Variants in TTC6 observed in about 807,000 individuals in gnomAD.
TTC6 encodes the protein tetratricopeptide repeat protein 6.
Under a neutral mutation model 210.4 loss-of-function variants are expected in TTC6, and 172 were observed. The observed-to-expected ratio is 0.82, with a 90% CI of 0.72 to 0.93. The LOEUF is 0.93. TTC6 is among the 40% of genes least tolerant of loss of function. The pLI, the probability that TTC6 is intolerant of heterozygous loss-of-function variation, is 0.00. For missense variants in TTC6, 2,414 were observed against 2,318.1 expected (o/e 1.04, Z -0.85); for synonymous variants, 804 against 819.6 (o/e 0.98, Z 0.32).
intron 5 of TTC6, among the ~76,000 whole-genome samples, chr14:37,705,126 C>T (rs1042830484): frequency 1.3e-5 from 2 of 152,048 alleles, no homozygotes; most frequent in African/African-American, 4.8e-5. Flanking sequence ...TCAGGCACCC[C>T]TTATAGACAG....
At chr14:37,756,112 A>G (rs1344408248) in intron 14 of TTC6, among the ~76,000 whole-genome samples, 1 of 152,164 alleles carries the variant, frequency 6.6e-6, no homozygotes, top group Non-Finnish European at 1.5e-5. Context: ...CTTTGTAGCA[A>G]TTGTGAATGG....
intron 14 of TTC6, among the ~76,000 whole-genome samples, chr14:37,762,224 C>T (rs886457179): frequency 6.6e-6 from 1 of 151,976 alleles, no homozygotes; most frequent in African/African-American, 2.4e-5. Flanking sequence ...GCTTATTCAT[C>T]TGTTGATAGA....
chr14:37,597,544 C>CAA (rs33958559), intron 1 of TTC6, among the ~76,000 whole-genome samples: 2 of 148,810 alleles, frequency 1.3e-5, no homozygotes, highest in African/African-American at 4.9e-5. Context: ...CTCATATTTT[C>CAA]AAAAAAAAAA....
intron 1 of TTC6, among the ~76,000 whole-genome samples, chr14:37,604,454 C>G (rs1051969590): frequency 5.3e-5 from 8 of 152,138 alleles, no homozygotes; most frequent in African/African-American, 1.9e-4. Context: ...TTGTCCCTTC[C>G]TCCCCCTAGG....
intron 30 of TTC6, among the ~76,000 whole-genome samples, chr14:37,841,909 A>T (rs2096211058): frequency 6.6e-6 from 1 of 152,192 alleles, no homozygotes; most frequent in Admixed American, 6.5e-5. Flanking sequence ...AACAATGCCA[A>T]CCTTTCAAAG....
intron 5 of TTC6, among the ~76,000 whole-genome samples, chr14:37,709,464 C>T (rs1194108325): frequency 2.6e-5 from 4 of 152,044 alleles, no homozygotes; most frequent in African/African-American, 9.7e-5. Context: ...TTTCAGTATG[C>T]ACTATCAATG....
intron 14 of TTC6, among the ~76,000 whole-genome samples, chr14:37,781,758 A>C (rs1166016015): frequency 1.3e-5 from 2 of 152,174 alleles, no homozygotes; most frequent in Non-Finnish European, 2.9e-5. Context: ...TTATGCTTTT[A>C]GGTCTGATGT....
exon 31 of TTC6, chr14:37,842,181 C>G: frequency 6.2e-7 from 1 of 1,602,486 alleles, no homozygotes; most frequent in Non-Finnish European, 8.5e-7. Context: ...TAATGATGCT[C>G]TAGTATATAA....
At chr14:37,663,793 A>G (rs2095742312) in intron 1 of TTC6, among the ~76,000 whole-genome samples, 1 of 152,176 alleles carries the variant, frequency 6.6e-6, no homozygotes, top group South Asian at 2.1e-4. Context: ...TTGATAAGCA[A>G]CTTCAGCAAA....
intron 23 of TTC6, 62 bp from the exon 26 acceptor site, chr14:37,808,671 T>C: frequency 2.4e-6 from 2 of 830,978 alleles, no homozygotes; most frequent in Non-Finnish European, 3.8e-6. Context: ...GAATTTATTT[T>C]ATGATTAAAT....
intron 1 of TTC6, among the ~76,000 whole-genome samples, chr14:37,638,415 C>A (rs1018197496): frequency 4.6e-5 from 7 of 151,948 alleles, no homozygotes; most frequent in Admixed American, 6.6e-5. Flanking sequence ...CCACCATGCC[C>A]GGCTAATTTT....
intron 27 of TTC6, among the ~76,000 whole-genome samples, chr14:37,825,736 A>G (rs2096169489): frequency 2.0e-5 from 3 of 152,134 alleles, no homozygotes; most frequent in Non-Finnish European, 4.4e-5. Flanking sequence ...ATATGTTTAC[A>G]CCATTAGTTT....
At chr14:37,679,156 A>C (rs1164683648) in intron 1 of TTC6, among the ~76,000 whole-genome samples, 1 of 152,120 alleles carries the variant, frequency 6.6e-6, no homozygotes, top group Non-Finnish European at 1.5e-5. Flanking sequence ...CAGGAGTTTG[A>C]GGTTACGGGG....
intron 6 of TTC6, among the ~76,000 whole-genome samples, chr14:37,724,345 T>C (rs2095867476): frequency 6.6e-6 from 1 of 152,174 alleles, no homozygotes; most frequent in Non-Finnish European, 1.5e-5. Context: ...GATACATTTA[T>C]ATAAATGACA....
At chr14:37,645,614 G>C (rs2139400382) in intron 1 of TTC6, among the ~76,000 whole-genome samples, 1 of 152,324 alleles carries the variant, frequency 6.6e-6, no homozygotes, top group East Asian at 1.9e-4. Context: ...GCAGAAGTCT[G>C]AAGGAAGTAA....
intron 1 of TTC6, among the ~76,000 whole-genome samples, chr14:37,624,697 C>T (rs1329619191): frequency 6.6e-6 from 1 of 152,034 alleles, no homozygotes; most frequent in Non-Finnish European, 1.5e-5. Context: ...TCTCCGCTCA[C>T]TGCCACCTTC....
intron 1 of TTC6, among the ~76,000 whole-genome samples, chr14:37,654,763 C>T (rs1244337806): frequency 1.3e-5 from 2 of 152,094 alleles, no homozygotes; most frequent in African/African-American, 4.8e-5. Flanking sequence ...TTAATTTAAT[C>T]TCATGAATTT....
At chr14:37,841,162 C>T (rs539410647) in intron 29 of TTC6, among the ~76,000 whole-genome samples, 2 of 152,276 alleles carry the variant, frequency 1.3e-5, no homozygotes, top group South Asian at 4.1e-4. Context: ...AGCCACTGCA[C>T]CTGGCCAGTG....
chr14:37,832,688 G>T (rs926276802), intron 29 of TTC6, among the ~76,000 whole-genome samples: 43 of 152,120 alleles, frequency 2.8e-4, no homozygotes, highest in African/African-American at 1.0e-3. Context: ...ATATGATTTT[G>T]ATTTTTATTA....
Sources: allele counts gnomAD v4.1 joint callset (sites outside exome capture counted in the v4.1 genomes callset), GRCh38; gene constraint gnomAD v4.1.1; transcripts MANE v1.5; gene names NCBI Gene and HGNC (gene_info 2026-07-23, HGNC 2026-07-21).